CBL: variants seen among roughly 807,000 people sequenced by gnomAD.
The protein encoded by CBL is E3 ubiquitin-protein ligase CBL.
CBL carries 45 observed loss-of-function variants against 96.9 expected under a neutral mutation model. That is an observed-to-expected ratio of 0.46 (90% confidence interval 0.37 to 0.60). CBL has a LOEUF of 0.60. Ranked by LOEUF, CBL falls within the 20% of genes least tolerant of loss-of-function variation. The pLI is 0.00. For synonymous variants in CBL, 420 were observed against 426.8 expected, an observed-to-expected ratio of 0.98 and a Z score of 0.20; for missense variants, 1,024 against 1,143.5, an observed-to-expected ratio of 0.90 and a Z score of 1.51.
intron 2 of CBL, among the ~76,000 whole-genome samples, chr11:119,263,777 T>G (rs560284077): frequency 1.4e-4 from 21 of 152,334 alleles, no homozygotes; most frequent in Admixed American, 1.1e-3. Context: ...TAAAGCTGAT[T>G]ACTGTGAGCA....
intron 2 of CBL, among the ~76,000 whole-genome samples, chr11:119,259,532 C>G (rs530892945): frequency 6.6e-6 from 1 of 151,920 alleles, no homozygotes; most frequent in South Asian, 2.1e-4. Flanking sequence ...ACAGTAAATA[C>G]TATTTACTTT....
Position 119,306,636 on chromosome 11 carries a change from G to A in CBL, c.*6855G>A, listed in dbSNP as rs1950144388. The stretch of plus-strand genomic sequence containing the variant: ...TTATGGCCATCTTAAAACTGGAGAG[G>A]CAGAGAACTACTTATGAGTCTGTAG... On this transcript the variant is annotated 3_prime_UTR_variant, in exon 16 of 16. Transcript: ENST00000264033. 1 of 340,992 alleles carries A rather than the reference G, an allele frequency of 2.9e-6. No homozygotes were observed. Among genetic ancestry groups the A allele is most frequent in the Non-Finnish European group, 5.3e-6 (1 of 189,088 alleles). The allele number at this position is 340,992 out of a possible 1,614,324, so 21.1% of individuals were successfully genotyped here. A position where few individuals can be genotyped will look rare whatever the true frequency, so the allele number is the denominator to read the frequency against.
intron 14 of CBL, 125 bp from the exon 15 acceptor site, chr11:119,298,233 C>A: frequency 1.2e-6 from 1 of 862,302 alleles, no homozygotes; most frequent in Non-Finnish European, 2.0e-6. Flanking sequence ...CCACAGTAGA[C>A]AATCAGTAAC....
intron 2 of CBL, among the ~76,000 whole-genome samples, chr11:119,244,126 G>C (rs1949607122): frequency 6.6e-6 from 1 of 152,148 alleles, no homozygotes; most frequent in Non-Finnish European, 1.5e-5. Context: ...TTTTGTTGTA[G>C]TAATATGATC....
chr11:119,275,577 T>C (rs1592399412), intron 5 of CBL, among the ~76,000 whole-genome samples: 1 of 152,248 alleles, frequency 6.6e-6, no homozygotes, highest in African/African-American at 2.4e-5. Context: ...GAAGTAGTTA[T>C]TCTTGGCTGG....
chr11:119,228,142 G>T (rs1482904156), intron 1 of CBL, among the ~76,000 whole-genome samples: 2 of 150,830 alleles, frequency 1.3e-5, no homozygotes, highest in Admixed American at 1.3e-4. Context: ...TTGAGATAGA[G>T]TCTCATTCCG....
chr11:119,256,125 T>C (rs1374519965), intron 2 of CBL, among the ~76,000 whole-genome samples: 2 of 151,946 alleles, frequency 1.3e-5, no homozygotes, highest in Non-Finnish European at 2.9e-5. Flanking sequence ...TAGAATCCAT[T>C]GCATTTTGTT....
intron 2 of CBL, among the ~76,000 whole-genome samples, chr11:119,241,513 CTTATA>C (rs1450306036): frequency 6.6e-6 from 1 of 152,146 alleles, no homozygotes; most frequent in Non-Finnish European, 1.5e-5. Flanking sequence ...AGCTTATAAG[CTTATA>C]TTATGTCTTT....
intron 2 of CBL, among the ~76,000 whole-genome samples, chr11:119,238,643 G>A (rs1049743169): frequency 1.3e-5 from 2 of 152,052 alleles, no homozygotes; most frequent in African/African-American, 2.4e-5. Context: ...CAGCCTGGCC[G>A]GTGTGGTGAA....
chr11:119,260,752 A>G (rs921672551), intron 2 of CBL, among the ~76,000 whole-genome samples: 1 of 151,830 alleles, frequency 6.6e-6, no homozygotes, highest in Non-Finnish European at 1.5e-5. Flanking sequence ...GGCTCCCATT[A>G]CTTTTCTACT....
chr11:119,255,217 G>A (rs1246073611), intron 2 of CBL, among the ~76,000 whole-genome samples: 6 of 152,138 alleles, frequency 3.9e-5, no homozygotes, highest in African/African-American at 7.2e-5. Context: ...TAGAGACTGT[G>A]TGGAGCTTCG....
At position 119,301,690 on chromosome 11, in the gene CBL, G is replaced by C. The variant is rs1227443680; in HGVS notation, c.*1909G>C. 4.3e-6 allele frequency: 1 copy of C among 233,140 alleles called. No individual in the cohort carries two copies. The highest frequency in any genetic ancestry group is 8.5e-6 in the Non-Finnish European group (1 of 118,044). 14.4% of individuals were successfully genotyped at this position (233,140 alleles called of 1,614,324 possible). A position where few individuals can be genotyped will look rare whatever the true frequency, so the allele number is the denominator to read the frequency against. The stretch of plus-strand genomic sequence containing the variant: ...CGTGTTGATTTGCTGTGGTTACCCA[G>C]TGTCTTCTCTACATGGCATAAAGCG... On this transcript the variant is annotated 3_prime_UTR_variant, in exon 16 of 16. Transcript: ENST00000264033.
intron 2 of CBL, among the ~76,000 whole-genome samples, chr11:119,258,236 A>T (rs1356397482): frequency 1.3e-5 from 2 of 152,170 alleles, no homozygotes; most frequent in East Asian, 1.9e-4. Flanking sequence ...CAAAAAAACA[A>T]AACAAAACAA....
At chr11:119,273,529 T>A (rs934545742) in intron 3 of CBL, among the ~76,000 whole-genome samples, 1 of 152,236 alleles carries the variant, frequency 6.6e-6, no homozygotes, top group African/African-American at 2.4e-5. Flanking sequence ...CAAGTGATTT[T>A]CCCCCCTCAG....
intron 12 of CBL, among the ~76,000 whole-genome samples, chr11:119,294,873 T>C (rs1194290393): frequency 1.7e-5 from 2 of 118,716 alleles, no homozygotes; most frequent in Non-Finnish European, 3.5e-5. Context: ...TATCAGACAA[T>C]AGTTAGCAAT....
intron 9 of CBL, among the ~76,000 whole-genome samples, chr11:119,280,151 A>T (rs1278094312): frequency 6.6e-6 from 1 of 152,210 alleles, no homozygotes. Flanking sequence ...CTTTTAATGA[A>T]CATTCATATT....
chr11:119,209,034 G>C (rs759579224), intron 1 of CBL, among the ~76,000 whole-genome samples: 1 of 152,064 alleles, frequency 6.6e-6, no homozygotes, highest in Admixed American at 6.6e-5. Flanking sequence ...AATACTGTCT[G>C]TTCCCCTCTT....
At chr11:119,237,592 T>G (rs1211507040) in intron 2 of CBL, among the ~76,000 whole-genome samples, 1 of 152,230 alleles carries the variant, frequency 6.6e-6, no homozygotes, top group East Asian at 1.9e-4. Context: ...TTGATTCTCT[T>G]GCATGTGGAT....
intron 2 of CBL, among the ~76,000 whole-genome samples, chr11:119,249,263 A>G (rs1265071232): frequency 6.6e-6 from 1 of 152,208 alleles, no homozygotes; most frequent in East Asian, 1.9e-4. Context: ...CTCATAAAAA[A>G]TGAAATTTTC....
Sources: gnomAD v4.1 joint callset for allele counts (sites outside exome capture counted in the v4.1 genomes callset) on GRCh38, gnomAD v4.1.1 for gene constraint, MANE v1.5 for transcripts, NCBI Gene and HGNC (gene_info 2026-07-23, HGNC 2026-07-21) for gene names.